PASD1: variants seen among roughly 807,000 people sequenced by gnomAD.
The protein encoded by PASD1 is circadian clock protein PASD1.
In PASD1, 13 loss-of-function variants were observed where a neutral mutation model predicts 58.8. The ratio of observed to expected loss-of-function variants is 0.22; its 90% CI spans 0.14 to 0.35. PASD1 has a LOEUF of 0.35. PASD1 is among the 10% of genes least tolerant of loss of function. PASD1 has a pLI of 1.00. For missense variants in PASD1, 734 were observed against 568.3 expected (o/e 1.29, Z -2.96); for synonymous variants, 236 against 216.7 (o/e 1.09, Z -0.78).
chrX:151,595,801 G>C (rs1387709113), intron 1 of PASD1, among the ~76,000 whole-genome samples: 2 of 111,385 alleles, frequency 1.8e-5, no homozygotes, highest in African/African-American at 6.5e-5. Flanking sequence ...CCTTCTTTCT[G>C]ATACTCTGCT....
intron 15 of PASD1, 75 bp downstream of exon 15, chrX:151,674,261 C>T: frequency 8.7e-7 from 1 of 1,144,694 alleles, no homozygotes; most frequent in Non-Finnish European, 1.2e-6. Flanking sequence ...ATAAGGCACA[C>T]ACCCCAAGTG....
chrX:151,632,685 AC>A (rs1406563704), intron 8 of PASD1, among the ~76,000 whole-genome samples: 2 of 111,998 alleles, frequency 1.8e-5, no homozygotes, highest in Non-Finnish European at 3.8e-5. Flanking sequence ...TTTGGCAAAT[AC>A]TGTGGAGGTC....
Position 151,563,813 on chromosome X carries a change from C to T in PASD1, c.-54C>T. 2 of 112,324 alleles carry T rather than the reference C, an allele frequency of 1.8e-5. No homozygotes were observed. Among genetic ancestry groups the T allele is most frequent in the Admixed American group, 1.9e-4 (2 of 10,736 alleles). 9.3% of individuals were successfully genotyped at this position (112,324 alleles called of 1,213,427 possible). A position where few individuals can be genotyped will look rare whatever the true frequency, so the allele number is the denominator to read the frequency against. The stretch of plus-strand genomic sequence containing the variant: ...TTCAAGGTACCCCAAGTCCCTGCGG[C>T]CTCCAGCAGTGAAGAGTTCCACAAG... On this transcript the variant is annotated 5_prime_UTR_variant, in exon 1 of 16. Transcript: ENST00000370357.
intron 1 of PASD1, among the ~76,000 whole-genome samples, chrX:151,573,023 C>T (rs868579075): frequency 4.3e-5 from 3 of 69,879 alleles, no homozygotes; most frequent in African/African-American, 5.6e-5. Context: ...GGGGTGGTGA[C>T]GGGGGGTGGG....
At chrX:151,606,001 G>C (rs1276748390) in intron 3 of PASD1, among the ~76,000 whole-genome samples, 1 of 112,254 alleles carries the variant, frequency 8.9e-6, no homozygotes, top group Non-Finnish European at 1.9e-5. Flanking sequence ...GAAACCAGAT[G>C]CTTATTTGAA....
At chrX:151,616,868 G>C (rs1225373615) in intron 4 of PASD1, among the ~76,000 whole-genome samples, 1 of 111,155 alleles carries the variant, frequency 9.0e-6, no homozygotes, top group Non-Finnish European at 1.9e-5. Flanking sequence ...CATTTGATTT[G>C]AGATGCTGCC....
intron 10 of PASD1, among the ~76,000 whole-genome samples, chrX:151,663,881 T>C (rs964587970): frequency 8.9e-6 from 1 of 112,028 alleles, no homozygotes; most frequent in African/African-American, 3.2e-5. Flanking sequence ...CACTAACAAA[T>C]GCAGTGGGTT....
At chrX:151,579,968 A>T (rs1481241069) in intron 1 of PASD1, among the ~76,000 whole-genome samples, 1 of 111,786 alleles carries the variant, frequency 8.9e-6, no homozygotes, top group East Asian at 2.8e-4. Context: ...TTAGCCAGGG[A>T]ACCCTGAGCT....
chrX:151,662,907 C>A (rs943172479), intron 10 of PASD1, among the ~76,000 whole-genome samples: 8 of 111,684 alleles, frequency 7.2e-5, no homozygotes, highest in Non-Finnish European at 1.3e-4. Flanking sequence ...TTGCAGTATC[C>A]AGGCAAACCT....
chrX:151,633,726 G>C (rs779933974), intron 8 of PASD1, among the ~76,000 whole-genome samples: 1 of 111,750 alleles, frequency 8.9e-6, no homozygotes, highest in Non-Finnish European at 1.9e-5. Context: ...TTTTTGAAAA[G>C]CTCTGTGTAA....
intron 1 of PASD1, among the ~76,000 whole-genome samples, chrX:151,585,605 G>C (rs547736681): frequency 9.0e-6 from 1 of 111,154 alleles, no homozygotes; most frequent in African/African-American, 3.3e-5. Context: ...AAGTGTGAGT[G>C]ATAGTACAGA....
chrX:151,644,402 G>A (rs181457037), intron 8 of PASD1, among the ~76,000 whole-genome samples: 71 of 111,751 alleles, frequency 6.4e-4, no homozygotes, highest in African/African-American at 2.2e-3. Flanking sequence ...AACTCTCTCA[G>A]TGCAGTTTCA....
intron 1 of PASD1, among the ~76,000 whole-genome samples, chrX:151,569,506 T>A (rs767970762): frequency 8.9e-6 from 1 of 112,167 alleles, no homozygotes; most frequent in Admixed American, 9.4e-5. Flanking sequence ...ATTCACAAAG[T>A]CAATCAACAT....
In PASD1 at chrX:151,672,327, GAGA is replaced by G. The variant is rs1320241360; in HGVS notation, c.1591_1593del (p.Lys531del). ...GAAGCTGCAGGAGCAGAAAATGCAGGAGAAGAAGAAGCTGCAGGAGCAGAGGCG... is the reference window on the plus strand; with the variant it reads ...GAAGCTGCAGGAGCAGAAAATGCAGGAGAAGAAGCTGCAGGAGCAGAGGCG... On this transcript the variant is annotated inframe_deletion, in exon 14 of 16. Transcript: ENST00000370357. 131 of 1,173,865 alleles carry G rather than the reference GAGA, an allele frequency of 1.1e-4. No homozygotes were observed. The highest frequency in any genetic ancestry group is 1.0e-3 in the Middle Eastern group (4 of 3,917).
intron 1 of PASD1, among the ~76,000 whole-genome samples, chrX:151,580,546 T>A (rs1465289413): frequency 1.9e-5 from 2 of 106,567 alleles, no homozygotes; most frequent in Non-Finnish European, 3.9e-5. Context: ...AGTCTATATA[T>A]TATTTTGGAT....
chrX:151,674,992 G>T (rs886299174), intron 15 of PASD1, among the ~76,000 whole-genome samples: 3 of 111,817 alleles, frequency 2.7e-5, no homozygotes, highest in African/African-American at 9.8e-5. Flanking sequence ...GTCACTTAGA[G>T]GGACTGCTCA....
In PASD1 at chrX:151,601,565, A is replaced by G; in HGVS notation, c.12A>G (p.Arg4=). The G allele has an allele frequency of 9.9e-6, 12 of 1,210,724 alleles. No homozygotes were observed. The highest frequency in any genetic ancestry group is 1.3e-5 in the Non-Finnish European group (12 of 894,608). ...TCACTGAATAATGAATGAAGATGAG[A>G]GGGGAAAAGAGAAGAGGTATGCATT... is the stretch of plus-strand genomic sequence containing the variant. MKM[R]GEKRRDKVNP... is the part of the protein sequence containing the mutation. Residue 4 remains arginine, a synonymous_variant, in exon 2 of 16, where the codon AGA becomes AGG. Transcript: ENST00000370357.
At chrX:151,652,551 A>C (rs1220263031) in intron 9 of PASD1, among the ~76,000 whole-genome samples, 1 of 108,715 alleles carries the variant, frequency 9.2e-6, no homozygotes, top group Non-Finnish European at 1.9e-5. Context: ...AAAAAACAAA[A>C]AACAAACAAA....
At position 151,676,239 on chromosome X, in the gene PASD1, C is replaced by A. The variant is rs1444540546; in HGVS notation, c.*96C>A. 3.5e-5 allele frequency: 33 copies of A among 950,093 alleles called. No individual in the cohort carries two copies. Among genetic ancestry groups the A allele is most frequent in the Non-Finnish European group, 4.3e-5 (30 of 694,538 alleles). The allele number at this position is 950,093 out of a possible 1,213,427, so 78.3% of individuals were successfully genotyped here. ...GGGACCTTCAAGGTGCGTAAAGTCC[C>A]TTGGGGTAGGGTTTAGTGGGTAGAG... On this transcript the variant is annotated 3_prime_UTR_variant, in exon 16 of 16. Coordinates refer to ENST00000370357, the MANE Select transcript of PASD1 (RefSeq NM_173493.3).
Sources: allele counts gnomAD v4.1 joint callset (sites outside exome capture counted in the v4.1 genomes callset), GRCh38; gene constraint gnomAD v4.1.1; transcripts MANE v1.5; gene names NCBI Gene and HGNC (gene_info 2026-07-23, HGNC 2026-07-21).